The following LNX1 variants were observed in gnomAD, a reference collection of about 807,000 sequenced individuals.
LNX1 encodes ligand of numb-protein X 1.
A neutral mutation model predicts 68.4 loss-of-function variants in LNX1; 54 were observed. The ratio of observed to expected loss-of-function variants is 0.79; its 90% CI spans 0.63 to 0.99. The LOEUF (loss-of-function observed/expected upper bound fraction) is 0.99, where lower values mean the gene tolerates loss of function less well. Ranked by LOEUF, LNX1 falls within the 50% of genes least tolerant of loss-of-function variation. LNX1 has a pLI of 0.00. For missense variants in LNX1, 906 were observed against 926.4 expected (o/e 0.98, Z 0.29); for synonymous variants, 336 against 350.0 (o/e 0.96, Z 0.45).
intron 2 of LNX1, 24 bp downstream of exon 2, chr4:53,573,599 C>T (rs772276407): frequency 5.1e-6 from 8 of 1,569,050 alleles, no homozygotes; most frequent in Non-Finnish European, 6.9e-6. Flanking sequence ...GTGGGACTTA[C>T]CGGCTCGCTG....
At chr4:53,575,424 T>G in intron 1 of LNX1, 1 of 835,630 alleles carries the variant, frequency 1.2e-6, no homozygotes, top group Non-Finnish European at 1.4e-6. Flanking sequence ...TAAATAGTTT[T>G]CAAGCGCCAA....
chr4:53,575,838 C>T lies in LNX1; in HGVS notation c.-86-1750G>A, dbSNP rs564661925. 6 of 1,589,872 alleles carry T rather than the reference C, an allele frequency of 3.8e-6. No homozygotes were observed. In the South Asian group the frequency reaches 6.9e-5, roughly 18 times the overall value. ...CAGCAATGGACCAGCTACTAGGGGA[C>T]CTAAACAGGAGCATGTTTAGAAAGT... On this transcript the variant is annotated intron_variant, in intron 1 of 10. Coordinates refer to ENST00000263925, the MANE Select transcript of LNX1 (RefSeq NM_001126328.3).
intron 1 of LNX1, among the ~76,000 whole-genome samples, chr4:53,590,832 A>AC (rs1204804147): frequency 6.6e-6 from 1 of 152,204 alleles, no homozygotes. Context: ...AAAATGGTAG[A>AC]CTTTTTCAGA....
intron 9 of LNX1, among the ~76,000 whole-genome samples, chr4:53,470,993 T>G (rs1306043061): frequency 6.8e-6 from 1 of 146,128 alleles, no homozygotes; most frequent in Non-Finnish European, 1.5e-5. Context: ...AAAACTACTT[T>G]AAAGTTCATA....
chr4:53,469,769 C>G (rs1294264863), intron 9 of LNX1, among the ~76,000 whole-genome samples: 1 of 152,136 alleles, frequency 6.6e-6, no homozygotes, highest in Non-Finnish European at 1.5e-5. Flanking sequence ...TCGACACATA[C>G]ACCCTCCCAA....
upstream of LNX1, chr4:53,591,629 C>T (rs535108820): frequency 9.6e-5 from 93 of 968,054 alleles, no homozygotes; most frequent in Non-Finnish European, 1.1e-4. Flanking sequence ...GTCAGGAGGC[C>T]CCGCCCACCT....
chr4:53,561,407 T>C (rs1730277639), intron 2 of LNX1, among the ~76,000 whole-genome samples: 1 of 152,094 alleles, frequency 6.6e-6, no homozygotes. Flanking sequence ...TTTCTATTTT[T>C]AGTAGAGATG....
intron 1 of LNX1, among the ~76,000 whole-genome samples, chr4:53,642,352 T>C (rs760293300): frequency 1.3e-5 from 2 of 152,032 alleles, no homozygotes; most frequent in Non-Finnish European, 2.9e-5. Flanking sequence ...ATTTAAAATG[T>C]ATACATGCTT....
intron 2 of LNX1, chr4:53,557,894 C>T (rs1730027181): frequency 6.2e-7 from 1 of 1,613,286 alleles, no homozygotes; most frequent in Admixed American, 1.7e-5. Flanking sequence ...ACAGGAAGTG[C>T]AGGTTGCCCA....
At chr4:53,562,233 G>A (rs1353253198) in intron 2 of LNX1, among the ~76,000 whole-genome samples, 1 of 152,220 alleles carries the variant, frequency 6.6e-6, no homozygotes, top group Non-Finnish European at 1.5e-5. Context: ...GGTCAAGAGA[G>A]ATGAGCAGAT....
Position 53,460,239 on chromosome 4 carries a change from G to A in LNX1, c.*668C>T, listed in dbSNP as rs1721643854. ...CATGAGTTTTTATACAGTTACTAAC[G>A]ATTGTGGAAAAAAAGAGCTTTAGCC... On this transcript the variant is annotated 3_prime_UTR_variant, in exon 11 of 11. Transcript: ENST00000263925. 2 of 192,970 alleles carry A rather than the reference G, an allele frequency of 1.0e-5. No homozygotes were observed. The highest frequency in any genetic ancestry group is 3.9e-4 in the South Asian group (2 of 5,182). 12.0% of individuals were successfully genotyped at this position (192,970 alleles called of 1,614,324 possible). A position where few individuals can be genotyped will look rare whatever the true frequency, so the allele number is the denominator to read the frequency against.
chr4:53,543,501 C>T (rs1473525894), intron 2 of LNX1, among the ~76,000 whole-genome samples: 2 of 143,276 alleles, frequency 1.4e-5, no homozygotes, highest in African/African-American at 2.6e-5. Flanking sequence ...ATTCATCTAC[C>T]AGGAGGCTAC....
intron 2 of LNX1, among the ~76,000 whole-genome samples, chr4:53,513,885 C>T (rs11723567): frequency 0.27 from 41,698 of 152,134 alleles, 6,443 homozygotes; most frequent in Admixed American, 0.37. Flanking sequence ...ACGATCTATA[C>T]GGCCCTATAT....
chr4:53,589,610 G>A (rs959714879), intron 1 of LNX1, among the ~76,000 whole-genome samples: 4 of 152,208 alleles, frequency 2.6e-5, no homozygotes, highest in Non-Finnish European at 4.4e-5. Flanking sequence ...AGATCATGGG[G>A]ATTATTATCT....
At chr4:53,489,392 G>A (rs780750163) in intron 6 of LNX1, among the ~76,000 whole-genome samples, 5 of 152,096 alleles carry the variant, frequency 3.3e-5, no homozygotes, top group Non-Finnish European at 5.9e-5. Flanking sequence ...AATACAGATG[G>A]TGACTTATAT....
chr4:53,540,537 CT>C (rs1461179043), intron 2 of LNX1, among the ~76,000 whole-genome samples: 18 of 151,998 alleles, frequency 1.2e-4, no homozygotes, highest in Middle Eastern at 6.8e-3. Context: ...AAAAAATTAG[CT>C]GGGCATGGTG....
intron 6 of LNX1, among the ~76,000 whole-genome samples, chr4:53,483,523 G>A (rs1724086954): frequency 6.6e-6 from 1 of 152,186 alleles, no homozygotes; most frequent in African/African-American, 2.4e-5. Context: ...CACATAAATA[G>A]AGCTCTCTGG....
chr4:53,465,754 C>T (rs550630956), intron 9 of LNX1, among the ~76,000 whole-genome samples: 5 of 152,082 alleles, frequency 3.3e-5, no homozygotes, highest in African/African-American at 1.2e-4. Context: ...AAATATGTTG[C>T]TAGCTTTTTT....
chr4:53,526,864 A>C (rs531376959), intron 2 of LNX1, among the ~76,000 whole-genome samples: 26 of 152,114 alleles, frequency 1.7e-4, no homozygotes, highest in Admixed American at 6.6e-4. Context: ...AAATCTTTGA[A>C]TCTCCAGCAG....
Sources: gnomAD v4.1 joint callset for allele counts (sites outside exome capture counted in the v4.1 genomes callset) on GRCh38, gnomAD v4.1.1 for gene constraint, MANE v1.5 for transcripts, NCBI Gene and HGNC (gene_info 2026-07-23, HGNC 2026-07-21) for gene names.